Variants in DAB1 observed in about 807,000 individuals in gnomAD.
The protein encoded by DAB1 is DAB adaptor protein 1.
DAB1 carries 15 observed loss-of-function variants against 64.6 expected under a neutral mutation model. That is an observed-to-expected ratio of 0.23 (90% CI 0.16 to 0.36). The LOEUF is 0.36. DAB1 is among the 10% of genes least tolerant of loss of function. The pLI is 1.00. For missense variants in DAB1, 596 were observed against 706.7 expected, an observed-to-expected ratio of 0.84 and a Z score of 1.78; for synonymous variants, 235 against 251.9, an observed-to-expected ratio of 0.93 and a Z score of 0.64.
intron 2 of DAB1, among the ~76,000 whole-genome samples, chr1:57,189,597 G>C (rs1354049044): frequency 6.6e-6 from 1 of 152,104 alleles, no homozygotes; most frequent in East Asian, 1.9e-4. Flanking sequence ...TGTCATCTCT[G>C]ACAGTAAAAG....
intron 6 of DAB1, among the ~76,000 whole-genome samples, chr1:57,746,876 TTG>T (rs1406487321): frequency 6.6e-6 from 1 of 152,194 alleles, no homozygotes; most frequent in Non-Finnish European, 1.5e-5. Flanking sequence ...CATTTTTTTT[TTG>T]TCTTTTACGT....
intron 1 of DAB1, among the ~76,000 whole-genome samples, chr1:57,296,410 T>A (rs1224360004): frequency 6.6e-6 from 1 of 152,120 alleles, no homozygotes; most frequent in African/African-American, 2.4e-5. Context: ...AACTAATACT[T>A]AGATTTTGGT....
At chr1:57,834,690 T>A (rs1652734257) in intron 1 of DAB1, among the ~76,000 whole-genome samples, 1 of 151,634 alleles carries the variant, frequency 6.6e-6, no homozygotes. Flanking sequence ...TGTGTATAGA[T>A]ATATATTATA....
intron 6 of DAB1, among the ~76,000 whole-genome samples, chr1:57,755,312 A>G (rs141781424): frequency 1.3e-5 from 2 of 152,288 alleles, no homozygotes; most frequent in Admixed American, 6.5e-5. Context: ...ATTCCTATCC[A>G]TGAATAGGGT....
At position 56,996,297 on chromosome 1, in the gene DAB1, T is replaced by A. The variant is rs1029470205; in HGVS notation, c.*1847A>T. Reference sequence around the variant, plus strand: ...AATAATAATTATCCTCAAATCCAATTAATCACATGAATCTTTAAAGTTTTC... The same window carrying A: ...AATAATAATTATCCTCAAATCCAATAAATCACATGAATCTTTAAAGTTTTC... On this transcript the variant is annotated 3_prime_UTR_variant, in exon 15 of 15. Coordinates refer to ENST00000371236, the MANE Select transcript of DAB1 (RefSeq NM_001365792.1). The A allele has an allele frequency of 2.6e-5, 4 of 152,184 alleles. No homozygotes were observed. Among genetic ancestry groups the A allele is most frequent in the Non-Finnish European group, 5.9e-5 (4 of 68,040 alleles). 9.4% of individuals were successfully genotyped at this position (152,184 alleles called of 1,614,324 possible).
In DAB1 at chr1:57,966,690, T is replaced by G. The variant is rs139157713; in HGVS notation, n.388-82528A>C. ...GCCTTAACTCGAATGCCAAGGAGAT[T>G]TTTTTTGATAATCTAAAATTTAGGT... On this transcript the variant is annotated intron_variant and non_coding_transcript_variant, in intron 5 of 20. Coordinates refer to the DAB1 transcript ENST00000485760. Among the ~76,000 whole-genome samples, 428 of 152,298 alleles carry G rather than the reference T, an allele frequency of 2.8e-3. 4 individuals carry two copies. The highest frequency in any genetic ancestry group is 9.5e-3 in the African/African-American group (397 of 41,582).
intron 5 of DAB1, among the ~76,000 whole-genome samples, chr1:58,060,643 C>G (rs1648438096): frequency 6.6e-6 from 1 of 152,128 alleles, no homozygotes; most frequent in East Asian, 1.9e-4. Flanking sequence ...TTCGGGGTCT[C>G]CTGCCCAAGG....
At chr1:57,566,851 G>A (rs1645128675) in intron 7 of DAB1, among the ~76,000 whole-genome samples, 1 of 152,142 alleles carries the variant, frequency 6.6e-6, no homozygotes, top group Non-Finnish European at 1.5e-5. Flanking sequence ...AGAGGTACAA[G>A]AAGGAGCTGG....
chr1:58,035,294 A>T (rs4276941), intron 5 of DAB1, among the ~76,000 whole-genome samples: 52,367 of 152,196 alleles, frequency 0.34, 10,515 homozygotes, highest in Non-Finnish European at 0.45. Flanking sequence ...GAACAATAAG[A>T]GCTATGCCCA....
chr1:57,846,238 T>G (rs1214281804), intron 1 of DAB1, among the ~76,000 whole-genome samples: 1 of 152,016 alleles, frequency 6.6e-6, no homozygotes, highest in African/African-American at 2.4e-5. Context: ...GGTGGGCAGA[T>G]CACGAGGTCA....
rs1491296848 is a variant in DAB1, at chr1:57,641,378, G to GTT, written n.625+8213_625+8214insAA. Among the ~76,000 whole-genome samples, 662 of 109,778 alleles carry GTT rather than the reference G, an allele frequency of 6.0e-3. 35 individuals carry two copies. Among genetic ancestry groups the GTT allele is most frequent in the African/African-American group, 0.015 (449 of 29,988 alleles). 72.0% of individuals were successfully genotyped at this position (109,778 alleles called of 152,430 possible). ...TGCCCAGTTCCCTCTTTTTTTTGTT[G>GTT]GTTTTTTTTTTTTTTTTTTTTTTGA... On this transcript the variant is annotated intron_variant and non_coding_transcript_variant, in intron 7 of 20. Transcript: ENST00000485760.
intron 14 of DAB1, among the ~76,000 whole-genome samples, chr1:57,002,327 T>A (rs1386228022): frequency 6.6e-6 from 1 of 152,132 alleles, no homozygotes; most frequent in Non-Finnish European, 1.5e-5. Context: ...CATCTGTAGT[T>A]GAACATGTTG....
At chr1:57,695,425 AAAGAAAGAAAAAAG>A (rs1646832311) in intron 6 of DAB1, among the ~76,000 whole-genome samples, 1 of 147,608 alleles carries the variant, frequency 6.8e-6, no homozygotes, top group South Asian at 2.1e-4. Context: ...AGAAAGAAAG[AAAGAAAGAAAAAAG>A]AAGAAAAGAG....
intron 6 of DAB1, among the ~76,000 whole-genome samples, chr1:57,694,339 G>A (rs1646798517): frequency 6.6e-6 from 1 of 152,140 alleles, no homozygotes; most frequent in Admixed American, 6.5e-5. Context: ...AAGAGAGACT[G>A]GCTCTGGGTG....
At chr1:57,755,691 C>A (rs574459955) in intron 6 of DAB1, among the ~76,000 whole-genome samples, 2 of 152,290 alleles carry the variant, frequency 1.3e-5, no homozygotes, top group Non-Finnish European at 2.9e-5. Context: ...AGAATGTCTT[C>A]TTCTTGTTAG....
intron 2 of DAB1, among the ~76,000 whole-genome samples, chr1:57,194,446 C>T (rs1041402228): frequency 2.4e-4 from 37 of 152,128 alleles, no homozygotes; most frequent in African/African-American, 8.5e-4. Flanking sequence ...TTTCCTGATG[C>T]TTCAAAGACA....
intron 6 of DAB1, among the ~76,000 whole-genome samples, chr1:57,698,263 T>C (rs1646868537): frequency 1.9e-5 from 1 of 51,306 alleles, no homozygotes; most frequent in Non-Finnish European, 3.5e-5. Flanking sequence ...CTTTTAAACA[T>C]TTTTTTTTTT....
chr1:57,800,019 T>A (rs1243069698), intron 6 of DAB1, among the ~76,000 whole-genome samples: 6 of 152,202 alleles, frequency 3.9e-5, no homozygotes, highest in Non-Finnish European at 8.8e-5. Context: ...AGGATGCTAA[T>A]GCTAATATAA....
At chr1:58,002,168 T>G (rs1163646907) in intron 5 of DAB1, among the ~76,000 whole-genome samples, 1 of 152,204 alleles carries the variant, frequency 6.6e-6, no homozygotes, top group African/African-American at 2.4e-5. Flanking sequence ...TGTGGTTATC[T>G]GTTAGAGGAG....
Sources: gnomAD v4.1 joint callset for allele counts (sites outside exome capture counted in the v4.1 genomes callset) on GRCh38, gnomAD v4.1.1 for gene constraint, MANE v1.5 for transcripts, NCBI Gene and HGNC (gene_info 2026-07-23, HGNC 2026-07-21) for gene names.